Variants in EHD3 observed in about 807,000 individuals in gnomAD.
EHD3 encodes EH domain containing 3.
In EHD3, 17 loss-of-function variants were observed where a neutral mutation model predicts 43.0. That is an observed-to-expected ratio of 0.40 (90% CI 0.27 to 0.59). The LOEUF is 0.59. EHD3 is among the 20% of genes least tolerant of loss of function. The pLI, the probability that EHD3 is intolerant of heterozygous loss-of-function variation, is 0.49. For missense variants in EHD3, 594 were observed against 705.6 expected (o/e 0.84, Z 1.79); for synonymous variants, 313 against 289.5 (o/e 1.08, Z -0.82).
intron 5 of EHD3, among the ~76,000 whole-genome samples, chr2:31,262,036 G>A (rs1393962626): frequency 6.6e-6 from 1 of 152,246 alleles, no homozygotes; most frequent in African/African-American, 2.4e-5. Flanking sequence ...CATCTCTGGT[G>A]CAGTGGGATG....
At chr2:31,264,756 A>C (rs1683914045) in intron 5 of EHD3, among the ~76,000 whole-genome samples, 1 of 151,562 alleles carries the variant, frequency 6.6e-6, no homozygotes, top group South Asian at 2.1e-4. Context: ...GATGGTCTCG[A>C]TCTCTTGACC....
rs151181600 is a variant in EHD3, at chr2:31,266,653, C to A, written c.1557C>A (p.Asn519Lys). Residue 519 changes from asparagine (N) to lysine (K), a missense_variant, in exon 6 of 6, where the codon AAC (asparagine) becomes AAA (lysine). Coordinates refer to ENST00000322054, the MANE Select transcript of EHD3 (RefSeq NM_014600.3). The surrounding 1 kb of genome is among the most constrained non-coding windows in gnomAD (Gnocchi z 5.1). ...AGCTGGAGGGGCACGAGCTGCCCAA[C>A]GAGCTGCCTGCCCACCTCCTGCCCC... ...KVKLEGHELP[N>K]ELPAHLLPPS... 6.2e-7 allele frequency: 1 copy of A among 1,612,694 alleles called. No individual in the cohort carries two copies. The highest frequency in any genetic ancestry group is 8.5e-7 in the Non-Finnish European group (1 of 1,179,050).
Position 31,234,618 on chromosome 2 carries a change from C to G in EHD3, c.-4C>G. On this transcript the variant is annotated 5_prime_UTR_variant, in exon 1 of 6. Coordinates refer to ENST00000322054, the MANE Select transcript of EHD3 (RefSeq NM_014600.3). ...CTGCGTGCCGGGGGCGAGCGGCGGC[C>G]GCGATGTTCAGCTGGCTGGGTACGG... The G allele has an allele frequency of 6.2e-7, 1 of 1,613,326 alleles. No individual in the cohort carries two copies. The highest frequency in any genetic ancestry group is 1.1e-5 in the South Asian group (1 of 91,072).
At chr2:31,247,995 G>A (rs781164855) in intron 2 of EHD3, among the ~76,000 whole-genome samples, 2 of 152,212 alleles carry the variant, frequency 1.3e-5, no homozygotes, top group Non-Finnish European at 2.9e-5. Flanking sequence ...CTGAAGTAGT[G>A]GATGTTTAGG....
In EHD3 at chr2:31,266,354, G is replaced by A. The variant is rs775457066; in HGVS notation, c.1258G>A (p.Gly420Ser). Residue 420 changes from glycine to serine, a missense_variant, in exon 6 of 6, where the codon GGC becomes AGC. This residue lies in a region of EHD3 where 322 missense variants were observed against 348.0 expected (regional missense o/e 0.93). Coordinates refer to ENST00000322054, the MANE Select transcript of EHD3 (RefSeq NM_014600.3). This position sits in a 1 kb window ranked among gnomAD's most constrained non-coding sequence, Gnocchi z 5.1. ...KGGAFEGTLH[G>S]PFGHGYGEGA... ...CGGAGCGTTCGAGGGCACCCTGCACGGCCCCTTTGGGCATGGCTATGGGGA... is the reference window on the plus strand; with the variant it reads ...CGGAGCGTTCGAGGGCACCCTGCACAGCCCCTTTGGGCATGGCTATGGGGA... 2.7e-5 allele frequency: 43 copies of A among 1,614,048 alleles called. No homozygotes were observed. The highest frequency in any genetic ancestry group is 6.7e-5 in the East Asian group (3 of 44,892).
Position 31,266,641 on chromosome 2 carries a change from C to T in EHD3, c.1545C>T (p.His515=), listed in dbSNP as rs755854068. 1.4e-5 allele frequency: 23 copies of T among 1,613,576 alleles called. No homozygotes were observed. The highest frequency in any genetic ancestry group is 3.3e-5 in the Admixed American group (2 of 59,990). ...TCATCAAAGTCAAGCTGGAGGGGCACGAGCTGCCCAACGAGCTGCCTGCCC... is the reference window on the plus strand; with the variant it reads ...TCATCAAAGTCAAGCTGGAGGGGCATGAGCTGCCCAACGAGCTGCCTGCCC... The part of the protein sequence containing the change: ...NHLIKVKLEG[H]ELPNELPAHL... The change falls in exon 6 of 6, where the codon CAC becomes CAT. Residue 515 remains histidine (H), a synonymous_variant. Transcript: ENST00000322054. This position sits in a 1 kb window ranked among gnomAD's most constrained non-coding sequence, Gnocchi z 5.1.
chr2:31,248,963 A>G (rs1194358725), intron 2 of EHD3, among the ~76,000 whole-genome samples: 2 of 152,110 alleles, frequency 1.3e-5, no homozygotes, highest in East Asian at 3.9e-4. Flanking sequence ...AAAGAAGCTA[A>G]GGTTCCTAGA....
intron 3 of EHD3, among the ~76,000 whole-genome samples, chr2:31,253,564 AG>A (rs1428855633): frequency 1.3e-5 from 2 of 152,216 alleles, no homozygotes; most frequent in Non-Finnish European, 2.9e-5. Context: ...GTCGGCACAG[AG>A]GCCCCTACTG....
chr2:31,263,772 C>T lies in EHD3; in HGVS notation c.1080+2059C>T, dbSNP rs7579698. Among the ~76,000 whole-genome samples, 1,204 of 152,290 alleles carry T rather than the reference C, an allele frequency of 7.9e-3. 12 individuals carry two copies. Among genetic ancestry groups the T allele is most frequent in the African/African-American group, 0.024 (996 of 41,560 alleles). ...CTGCAGCAGACTAGCTGTGCTTCAC[C>T]CTGTGTACTGGCCTCTTCCCAGCTT... is the stretch of plus-strand genomic sequence containing the variant. On this transcript the variant is annotated intron_variant, in intron 5 of 5. Transcript: ENST00000322054.
chr2:31,246,632 G>A (rs529775528), intron 2 of EHD3, among the ~76,000 whole-genome samples: 2 of 152,182 alleles, frequency 1.3e-5, no homozygotes, highest in East Asian at 3.9e-4. Flanking sequence ...TCATATGCTG[G>A]GTGCATTCCT....
At position 31,266,993 on chromosome 2, in the gene EHD3, C is replaced by A. The variant is rs550905779; in HGVS notation, c.*289C>A. On this transcript the variant is annotated 3_prime_UTR_variant, in exon 6 of 6. Coordinates refer to ENST00000322054, the MANE Select transcript of EHD3 (RefSeq NM_014600.3). The surrounding 1 kb of genome is among the most constrained non-coding windows in gnomAD (Gnocchi z 5.1). ...CCTCTCCTCGGCCACTCCCCAGATA[C>A]CAGACCTGAGGCAATTCACTTGCCA... The A allele has an allele frequency of 2.6e-4, 105 of 401,716 alleles. 1 individual carries two copies. The South Asian group carries it at 5.0e-3, about 19-fold the overall frequency. 24.9% of individuals were successfully genotyped at this position (401,716 alleles called of 1,614,324 possible).
chr2:31,234,596 C>T lies in EHD3; in HGVS notation c.-26C>T, dbSNP rs780570604. On this transcript the variant is annotated 5_prime_UTR_variant, in exon 1 of 6. Transcript: ENST00000322054. The stretch of plus-strand genomic sequence containing the variant: ...GAGGAGGAGTCTTCCCCTGGGGCTG[C>T]GTGCCGGGGGCGAGCGGCGGCCGCG... 3 of 1,611,284 alleles carry T rather than the reference C, an allele frequency of 1.9e-6. No homozygotes were observed. The highest frequency in any genetic ancestry group is 1.7e-6 in the Non-Finnish European group (2 of 1,178,764).
chr2:31,256,625 C>T (rs959881992), intron 3 of EHD3, among the ~76,000 whole-genome samples: 1 of 152,208 alleles, frequency 6.6e-6, no homozygotes, highest in Non-Finnish European at 1.5e-5. Flanking sequence ...CCACTGAGGG[C>T]AGGGACAGGG....
Position 31,234,159 on chromosome 2 carries a change from C to G in EHD3, c.-463C>G, listed in dbSNP as rs1683276921. ...CGCCTGGGGCTGCAGGATGCTGCTG[C>G]GGATGCAGAGCTGTCCGCGGGCTGG... On this transcript the variant is annotated 5_prime_UTR_variant, in exon 1 of 6. Coordinates refer to ENST00000322054, the MANE Select transcript of EHD3 (RefSeq NM_014600.3). Among the ~76,000 whole-genome samples the G allele has an allele frequency of 6.6e-6, 1 of 152,192 alleles. No homozygotes were observed. Among genetic ancestry groups the G allele is most frequent in the Non-Finnish European group, 1.5e-5 (1 of 68,028 alleles).
chr2:31,263,419 C>T (rs1683889534), intron 5 of EHD3, among the ~76,000 whole-genome samples: 1 of 152,204 alleles, frequency 6.6e-6, no homozygotes, highest in South Asian at 2.1e-4. Flanking sequence ...TATGCTGAAT[C>T]CACAATGTAA....
chr2:31,269,269 A>G lies in EHD3; in HGVS notation c.*2565A>G, dbSNP rs1295846435. 2.6e-5 allele frequency: 4 copies of G among 152,178 alleles called. No homozygotes were observed. Among genetic ancestry groups the G allele is most frequent in the African/African-American group, 4.8e-5 (2 of 41,436 alleles). 9.4% of individuals were successfully genotyped at this position (152,178 alleles called of 1,614,324 possible). A position where few individuals can be genotyped will look rare whatever the true frequency, so the allele number is the denominator to read the frequency against. Reference sequence around the variant, plus strand: ...CAGTCTGGGCCATGGAATCCATCCAATAAACACAGCAACACCCTATGCTAC... The same window carrying G: ...CAGTCTGGGCCATGGAATCCATCCAGTAAACACAGCAACACCCTATGCTAC... On this transcript the variant is annotated 3_prime_UTR_variant, in exon 6 of 6. Transcript: ENST00000322054.
intron 3 of EHD3, among the ~76,000 whole-genome samples, chr2:31,259,232 T>C (rs1054547464): frequency 6.6e-6 from 1 of 152,156 alleles, no homozygotes; most frequent in African/African-American, 2.4e-5. Context: ...CTGAGAACCC[T>C]GCTCAGACTC....
rs995360053 is a variant in EHD3 at position 31,269,263 on chromosome 2, C to A, written c.*2559C>A. ...ATTACTCAGTCTGGGCCATGGAATC[C>A]ATCCAATAAACACAGCAACACCCTA... On this transcript the variant is annotated 3_prime_UTR_variant, in exon 6 of 6. Transcript: ENST00000322054. 1.3e-5 allele frequency: 2 copies of A among 152,162 alleles called. No individual in the cohort carries two copies. Among genetic ancestry groups the A allele is most frequent in the Non-Finnish European group, 2.9e-5 (2 of 68,036 alleles). The allele number at this position is 152,162 out of a possible 1,614,324, so 9.4% of individuals were successfully genotyped here.
chr2:31,234,913 C>G, intron 1 of EHD3, 65 bp downstream of exon 1: 1 of 1,485,164 alleles, frequency 6.7e-7, no homozygotes. Context: ...CCGGTCACTC[C>G]TGGTGCTCCA....
Sources: allele counts gnomAD v4.1 joint callset (sites outside exome capture counted in the v4.1 genomes callset), GRCh38; gene constraint gnomAD v4.1.1; regional missense constraint gnomAD v4.1.1; non-coding constraint Gnocchi (gnomAD v3.1); transcripts MANE v1.5; gene names NCBI Gene and HGNC (gene_info 2026-07-23, HGNC 2026-07-21).